Variants in CCDC169 observed in about 807,000 individuals in gnomAD.
CCDC169 encodes the protein coiled-coil domain containing 169, also known as coiled-coil domain-containing protein 169.
CCDC169 carries 30 observed loss-of-function variants against 36.0 expected under a neutral mutation model. The ratio of observed to expected loss-of-function variants is 0.83; its 90% CI spans 0.62 to 1.13. The LOEUF (loss-of-function observed/expected upper bound fraction) is 1.13. Among genes scored for constraint, CCDC169 ranks in the 50% most tolerant of loss-of-function variants. The pLI is 0.00. For synonymous variants in CCDC169, 85 were observed against 81.5 expected, an observed-to-expected ratio of 1.04 and a Z score of -0.23; for missense variants, 245 against 245.9, an observed-to-expected ratio of 1.00 and a Z score of 0.03.
chr13:36,283,171 T>C, intron 4 of CCDC169: 1 of 332,944 alleles, frequency 3.0e-6, no homozygotes. Context: ...TTCTCCTCAA[T>C]TCATTATTAG....
chr13:36,279,351 G>A (rs918118449), intron 4 of CCDC169, among the ~76,000 whole-genome samples: 15 of 152,040 alleles, frequency 9.9e-5, no homozygotes, highest in African/African-American at 3.4e-4. Flanking sequence ...CAGCTTCATC[G>A]CTCATCATCC....
chr13:36,222,687 A>T (rs1869675937), downstream of CCDC169: 1 of 152,222 alleles, frequency 6.6e-6, no homozygotes. Context: ...TATAAGAATA[A>T]ATCTATAACC....
intron 4 of CCDC169, among the ~76,000 whole-genome samples, chr13:36,262,526 T>C (rs1330803442): frequency 6.6e-6 from 1 of 152,228 alleles, no homozygotes; most frequent in Admixed American, 6.5e-5. Flanking sequence ...GAACTATACC[T>C]AGGAATTCAA....
At chr13:36,272,060 G>C (rs555935200) in intron 4 of CCDC169, among the ~76,000 whole-genome samples, 1 of 149,650 alleles carries the variant, frequency 6.7e-6, no homozygotes, top group Non-Finnish European at 1.5e-5. Context: ...ACTCGCGCCC[G>C]GGTGACAGAG....
At chr13:36,222,690 C>T (rs1869676356), downstream of CCDC169, 1 of 152,134 alleles carries the variant, frequency 6.6e-6, no homozygotes, top group Non-Finnish European at 1.5e-5. Context: ...AAGAATAAAT[C>T]TATAACCAAC....
intron 7 of CCDC169, among the ~76,000 whole-genome samples, chr13:36,240,287 A>T (rs532069560): frequency 7.6e-4 from 115 of 152,108 alleles, no homozygotes; most frequent in African/African-American, 2.6e-3. Flanking sequence ...ATAATTATAA[A>T]GTATACATAT....
At chr13:36,272,098 A>C (rs939590538) in intron 4 of CCDC169, among the ~76,000 whole-genome samples, 1 of 134,270 alleles carries the variant, frequency 7.4e-6, no homozygotes, top group South Asian at 2.5e-4. Context: ...AAAAAAAAAA[A>C]CTAAAAAAAT....
intron 4 of CCDC169, among the ~76,000 whole-genome samples, chr13:36,272,383 A>G (rs1309961382): frequency 6.6e-6 from 1 of 152,150 alleles, no homozygotes; most frequent in Non-Finnish European, 1.5e-5. Flanking sequence ...TAGGCAGAGA[A>G]TAGCCCTTAG....
intron 4 of CCDC169, among the ~76,000 whole-genome samples, chr13:36,275,131 T>C (rs1242900153): frequency 6.6e-6 from 1 of 151,942 alleles, no homozygotes; most frequent in Non-Finnish European, 1.5e-5. Flanking sequence ...CCTCCCAAAG[T>C]GCTGGGATTA....
downstream of CCDC169, chr13:36,225,659 C>T (rs112422673): frequency 1.2e-3 from 176 of 152,224 alleles, no homozygotes; most frequent in African/African-American, 4.1e-3. Context: ...AGAAAACCTA[C>T]AGAATGGGAG....
At chr13:36,236,101 A>T (rs1871047128) in intron 7 of CCDC169, among the ~76,000 whole-genome samples, 1 of 151,972 alleles carries the variant, frequency 6.6e-6, no homozygotes, top group Non-Finnish European at 1.5e-5. Context: ...GATTCAACAT[A>T]CTCTCTCCAT....
At chr13:36,231,871 A>C (rs1025990832) in intron 7 of CCDC169, among the ~76,000 whole-genome samples, 3 of 151,828 alleles carry the variant, frequency 2.0e-5, no homozygotes, top group African/African-American at 4.8e-5. Context: ...ATATATTGTA[A>C]TTTTGTTTTG....
chr13:36,269,270 T>C (rs1346052186), intron 4 of CCDC169, among the ~76,000 whole-genome samples: 1 of 152,120 alleles, frequency 6.6e-6, no homozygotes, highest in Non-Finnish European at 1.5e-5. Flanking sequence ...TGAGATTGAA[T>C]CAGTAATTTA....
At chr13:36,288,577 A>C (rs1047048508) in intron 2 of CCDC169, among the ~76,000 whole-genome samples, 1 of 152,236 alleles carries the variant, frequency 6.6e-6, no homozygotes. Flanking sequence ...CTAAAATTGT[A>C]GAATGGTTTC....
downstream of CCDC169, chr13:36,224,387 A>G (rs1374827401): frequency 2.3e-4 from 35 of 152,316 alleles, 1 homozygote; most frequent in Non-Finnish European, 1.5e-5. Flanking sequence ...AAAACCCTAC[A>G]GACTCTGCCA....
At chr13:36,268,216 A>G (rs1875583683) in intron 4 of CCDC169, among the ~76,000 whole-genome samples, 1 of 152,220 alleles carries the variant, frequency 6.6e-6, no homozygotes, top group African/African-American at 2.4e-5. Flanking sequence ...AGACCATATG[A>G]TAGGCCACAA....
intron 1 of CCDC169, among the ~76,000 whole-genome samples, chr13:36,296,902 A>G (rs1879568990): frequency 6.6e-6 from 1 of 152,250 alleles, no homozygotes; most frequent in African/African-American, 2.4e-5. Flanking sequence ...CTGAGTGACA[A>G]GAGATGGAGT....
At chr13:36,259,756 C>T (rs1469308172) in intron 4 of CCDC169, among the ~76,000 whole-genome samples, 2 of 152,240 alleles carry the variant, frequency 1.3e-5, no homozygotes, top group Non-Finnish European at 1.5e-5. Context: ...TGGCTCGTGA[C>T]CAAAGGTTGA....
In CCDC169 at chr13:36,231,331, C is replaced by T. The variant is rs999215850; in HGVS notation, c.546-39G>A. 1.6e-5 allele frequency: 25 copies of T among 1,539,192 alleles called. No individual in the cohort carries two copies. In the Middle Eastern group the frequency reaches 5.0e-4, roughly 31 times the overall value. Reference sequence around the variant, plus strand: ...GTGTTAATCATAATTTTTCAGTCACCATTATGTACAACAAAAACATTATAG... The same window carrying T: ...GTGTTAATCATAATTTTTCAGTCACTATTATGTACAACAAAAACATTATAG... On this transcript the variant is annotated intron_variant, in intron 7 of 7. Coordinates refer to ENST00000239859, the MANE Select transcript of CCDC169 (RefSeq NM_001144981.3).
Sources: gnomAD v4.1 joint callset for allele counts (sites outside exome capture counted in the v4.1 genomes callset) on GRCh38, gnomAD v4.1.1 for gene constraint, MANE v1.5 for transcripts, NCBI Gene and HGNC (gene_info 2026-07-23, HGNC 2026-07-21) for gene names.